The following ITGA7 variants were observed in gnomAD, a reference collection of about 807,000 sequenced individuals.
ITGA7 encodes the protein integrin alpha-7.
In ITGA7, 84 loss-of-function variants were observed where a neutral mutation model predicts 131.6. That is an observed-to-expected ratio of 0.64 (90% CI 0.54 to 0.77). The LOEUF (loss-of-function observed/expected upper bound fraction) is 0.77, where lower values mean the gene tolerates loss of function less well. Among genes scored for constraint, ITGA7 ranks in the 30% least tolerant of loss-of-function variants. The pLI, the probability that ITGA7 is intolerant of heterozygous loss-of-function variation, is 0.00. For missense variants in ITGA7, 1,399 were observed against 1,482.9 expected, an observed-to-expected ratio of 0.94 and a Z score of 0.93; for synonymous variants, 548 against 600.7, an observed-to-expected ratio of 0.91 and a Z score of 1.28.
At chr12:55,687,896 G>A in intron 24 of ITGA7, 75 bp downstream of exon 24, 1 of 1,603,374 alleles carries the variant, frequency 6.2e-7, no homozygotes. Flanking sequence ...GTGGGTGGGT[G>A]ACAGAACCAC....
rs552103467 is a variant in ITGA7 at position 55,695,032 on chromosome 12, C to T, written c.2004-62G>A. 129 of 1,515,564 alleles carry T rather than the reference C, an allele frequency of 8.5e-5. 1 individual carries two copies. In the African/African-American group the frequency reaches 1.7e-3, roughly 20 times the overall value. 93.9% of individuals were successfully genotyped at this position (1,515,564 alleles called of 1,614,324 possible). On this transcript the variant is annotated intron_variant, in intron 14 of 24. Coordinates refer to ENST00000257879, the MANE Select transcript of ITGA7 (RefSeq NM_002206.3). The stretch of plus-strand genomic sequence containing the variant: ...CACCTCCCCCTACCATTCCCCCGCC[C>T]AGTCTGCTCCCCCAGTACCTGCCTT...
chr12:55,695,020 C>T, intron 14 of ITGA7, 50 bp from the exon 15 acceptor site: 3 of 1,565,746 alleles, frequency 1.9e-6, no homozygotes, highest in Non-Finnish European at 2.6e-6. Flanking sequence ...CTCCCCCTAC[C>T]ATTCCCCCGC....
In ITGA7 at chr12:55,688,738, G is replaced by C. The variant is rs540176161; in HGVS notation, c.2958+106C>G. On this transcript the variant is annotated intron_variant, in intron 22 of 24. Transcript: ENST00000257879. Reference sequence around the variant, plus strand: ...ACTCCGTCTCAAAAAAAAAAAAAAGGGGGGGGATGCTGCATTTGGACAGTG... The same window carrying C: ...ACTCCGTCTCAAAAAAAAAAAAAAGCGGGGGGATGCTGCATTTGGACAGTG... The C allele has an allele frequency of 4.6e-4, 385 of 844,228 alleles. 1 individual carries two copies. The African/African-American group carries it at 6.3e-3, about 14-fold the overall frequency. The allele number at this position is 844,228 out of a possible 1,614,324, so 52.3% of individuals were successfully genotyped here. A position where few individuals can be genotyped will look rare whatever the true frequency, so the allele number is the denominator to read the frequency against.
At chr12:55,700,762 G>A (rs1329096173) in intron 4 of ITGA7, 137 bp downstream of exon 4, 6 of 1,127,414 alleles carry the variant, frequency 5.3e-6, no homozygotes, top group Non-Finnish European at 7.9e-6. Flanking sequence ...GCTCAATGGG[G>A]TGGAAGGCAT....
intron 21 of ITGA7, among the ~76,000 whole-genome samples, chr12:55,692,370 G>A (rs1300547095): frequency 1.4e-4 from 21 of 152,196 alleles, no homozygotes; most frequent in Non-Finnish European, 2.9e-4. Flanking sequence ...AGCTGAGATC[G>A]TGCCACTGCA....
In ITGA7 at chr12:55,684,986, C is replaced by T; in HGVS notation, c.*72G>A. The T allele has an allele frequency of 7.7e-7, 1 of 1,305,676 alleles. No homozygotes were observed. Among genetic ancestry groups the T allele is most frequent in the Non-Finnish European group, 1.0e-6 (1 of 957,206 alleles). The allele number at this position is 1,305,676 out of a possible 1,614,324, so 80.9% of individuals were successfully genotyped here. On this transcript the variant is annotated 3_prime_UTR_variant, in exon 25 of 25. Coordinates refer to ENST00000257879, the MANE Select transcript of ITGA7 (RefSeq NM_002206.3). The stretch of plus-strand genomic sequence containing the variant: ...TGCGACACCAGCAGCCCACTCTACC[C>T]TCTTCATCCCAAGGAGCCATCTCTG...
At chr12:55,700,504 T>C (rs972243389) in intron 4 of ITGA7, 2 of 1,328,518 alleles carry the variant, frequency 1.5e-6, no homozygotes, top group Non-Finnish European at 2.1e-6. Context: ...TTTCTAGCCC[T>C]CTCCCCACCC....
rs543966213 is a variant in ITGA7, at chr12:55,701,356, C to T, written c.415-202G>A. 9 of 1,554,000 alleles carry T rather than the reference C, an allele frequency of 5.8e-6. No homozygotes were observed. In the East Asian group the frequency reaches 2.2e-4, roughly 38 times the overall value. ...CAGTGTTACACAGGTCCATGCATAACCCAGCAACCTGTCTGCACCCACTTC... is the reference window on the plus strand; with the variant it reads ...CAGTGTTACACAGGTCCATGCATAATCCAGCAACCTGTCTGCACCCACTTC... On this transcript the variant is annotated intron_variant, in intron 3 of 24. Transcript: ENST00000257879.
In ITGA7 at chr12:55,684,839, G is replaced by A. The variant is rs1270501231; in HGVS notation, c.*219C>T. The stretch of plus-strand genomic sequence containing the variant: ...CCCTGCCCTTCTCACCCTACCCCAT[G>A]GCCCTGTCCCTGATTTACCCACTCT... On this transcript the variant is annotated 3_prime_UTR_variant, in exon 25 of 25. Coordinates refer to ENST00000257879, the MANE Select transcript of ITGA7 (RefSeq NM_002206.3). The A allele has an allele frequency of 1.7e-6, 1 of 579,030 alleles. No homozygotes were observed. Among genetic ancestry groups the A allele is most frequent in the African/African-American group, 1.9e-5 (1 of 53,576 alleles). 35.9% of individuals were successfully genotyped at this position (579,030 alleles called of 1,614,324 possible).
At chr12:55,712,479 G>C (rs1031340748), upstream of ITGA7, 5 of 584,018 alleles carry the variant, frequency 8.6e-6, no homozygotes, top group African/African-American at 9.3e-5. Flanking sequence ...CAGCCAGTCA[G>C]TTTGGAGCTT....
chr12:55,699,274 C>T (rs921984355), intron 5 of ITGA7, among the ~76,000 whole-genome samples: 1 of 152,122 alleles, frequency 6.6e-6, no homozygotes, highest in Non-Finnish European at 1.5e-5. Flanking sequence ...GCACAGTGGC[C>T]TCACCCTGCC....
At chr12:55,700,755 C>T in intron 4 of ITGA7, 144 bp downstream of exon 4, 1 of 1,053,798 alleles carries the variant, frequency 9.5e-7, no homozygotes. Flanking sequence ...TGCACTAGCT[C>T]AATGGGGTGG....
intron 3 of ITGA7, among the ~76,000 whole-genome samples, chr12:55,702,372 G>T (rs904639555): frequency 6.6e-6 from 1 of 152,142 alleles, no homozygotes; most frequent in Non-Finnish European, 1.5e-5. Context: ...AGTAGAGACG[G>T]GGTTTCACCA....
intron 5 of ITGA7, among the ~76,000 whole-genome samples, chr12:55,699,278 C>A (rs953390230): frequency 1.3e-5 from 2 of 152,176 alleles, no homozygotes; most frequent in African/African-American, 4.8e-5. Context: ...AGTGGCCTCA[C>A]CCTGCCCACA....
Position 55,698,488 on chromosome 12 carries a change from C to A in ITGA7, c.1087G>T (p.Gly363Cys). 2 of 1,613,958 alleles carry A rather than the reference C, an allele frequency of 1.2e-6. No individual in the cohort carries two copies. The highest frequency in any genetic ancestry group is 1.7e-6 in the Non-Finnish European group (2 of 1,179,914). The stretch of plus-strand genomic sequence containing the variant: ...AGAGGGGAGATCCCAGCCCAGTGAC[C>A]CCCCTGGTTCAAGTACACATACACA... ...GAVYVYLNQG[G>C]HWAGISPLRL... Residue 363 changes from glycine (G) to cysteine (C), a missense_variant, in exon 7 of 25, where the codon GGT (glycine) becomes TGT (cysteine). Gly to Cys is a radical substitution (Grantham distance 159, BLOSUM62 -3). Coordinates refer to ENST00000257879, the MANE Select transcript of ITGA7 (RefSeq NM_002206.3).
At chr12:55,707,383 G>T (rs966773091) in intron 1 of ITGA7, 94 bp downstream of exon 1, 2 of 1,024,838 alleles carry the variant, frequency 2.0e-6, no homozygotes, top group African/African-American at 1.6e-5. Flanking sequence ...TCTTGGTGGG[G>T]CTAGAAAACA....
At chr12:55,704,354 G>A (rs1320953403) in intron 1 of ITGA7, among the ~76,000 whole-genome samples, 5 of 152,230 alleles carry the variant, frequency 3.3e-5, no homozygotes, top group Non-Finnish European at 1.5e-5. Context: ...TCTCTTAGCA[G>A]CTGCCATCCC....
chr12:55,715,354 T>C (rs1017136351), upstream of ITGA7, among the ~76,000 whole-genome samples: 6 of 152,088 alleles, frequency 3.9e-5, no homozygotes, highest in African/African-American at 7.2e-5. Flanking sequence ...CCGAGAGAGA[T>C]TGTACCAGTA....
Position 55,697,926 on chromosome 12 carries a change from G to A in ITGA7, c.1281+12C>T, listed in dbSNP as rs757398323. ...CCCACACCCATTCCCTCATCCCAGC[G>A]ACTCCCCTCACCTGTGAAGGTTTGG... is the stretch of plus-strand genomic sequence containing the variant. On this transcript the variant is annotated intron_variant, in intron 8 of 24. Transcript: ENST00000257879. 30 of 1,613,782 alleles carry A rather than the reference G, an allele frequency of 1.9e-5. No individual in the cohort carries two copies. The highest frequency in any genetic ancestry group is 1.6e-4 in the Middle Eastern group (1 of 6,084).
Sources: allele counts gnomAD v4.1 joint callset (sites outside exome capture counted in the v4.1 genomes callset), GRCh38; gene constraint gnomAD v4.1.1; transcripts MANE v1.5; gene names NCBI Gene and HGNC (gene_info 2026-07-23, HGNC 2026-07-21).